MYO10: variants seen among roughly 807,000 people sequenced by gnomAD.
MYO10 encodes the protein unconventional myosin-X.
In MYO10, 133 loss-of-function variants were observed where a neutral mutation model predicts 257.3. That is an observed-to-expected ratio of 0.52 (90% CI 0.45 to 0.60). The LOEUF is 0.60. MYO10 is among the 20% of genes least tolerant of loss of function. The pLI, the probability that MYO10 is intolerant of heterozygous loss-of-function variation, is 0.00. For synonymous variants in MYO10, 1,104 were observed against 1,028.6 expected (o/e 1.07, Z -1.40); for missense variants, 2,399 against 2,635.7 (o/e 0.91, Z 1.97).
chr5:16,757,266 G>C (rs1319656065), intron 18 of MYO10, among the ~76,000 whole-genome samples: 2 of 146,076 alleles, frequency 1.4e-5, no homozygotes, highest in Non-Finnish European at 3.0e-5. Context: ...CTCCAGTCTG[G>C]GTGACAGAAC....
chr5:16,854,141 T>C (rs1743894579), intron 2 of MYO10: 2 of 152,182 alleles, frequency 1.3e-5, no homozygotes, highest in African/African-American at 4.8e-5. Flanking sequence ...ATGTAAGAAT[T>C]ATCTCACTGC....
intron 2 of MYO10, among the ~76,000 whole-genome samples, chr5:16,827,579 G>A (rs370627802): frequency 3.2e-4 from 48 of 152,242 alleles, no homozygotes; most frequent in African/African-American, 1.1e-3. Flanking sequence ...GAGCCACTGC[G>A]CCCAGCCAAT....
intron 3 of MYO10, among the ~76,000 whole-genome samples, chr5:16,802,312 A>G (rs896004592): frequency 6.6e-6 from 1 of 152,146 alleles, no homozygotes; most frequent in African/African-American, 2.4e-5. Context: ...CGGCTGTGAT[A>G]CATTTTGTTC....
chr5:16,870,189 A>T (rs2082520751), intron 2 of MYO10, among the ~76,000 whole-genome samples: 2 of 146,580 alleles, frequency 1.4e-5, no homozygotes, highest in South Asian at 4.3e-4. Flanking sequence ...CTCAGAGAAT[A>T]AAAAGGAAAG....
In MYO10 at chr5:16,865,811, G is replaced by GATAATA. The variant is rs5866211; in HGVS notation, c.120+11792_120+11797dup. Among the ~76,000 whole-genome samples the GATAATA allele has an allele frequency of 3.3e-3, 468 of 142,636 alleles. 3 individuals are homozygous for GATAATA. Among genetic ancestry groups the GATAATA allele is most frequent in the African/African-American group, 8.8e-3 (321 of 36,564 alleles). The allele number at this position is 142,636 out of a possible 152,430, so 93.6% of individuals were successfully genotyped here. ...GGGTGACAGAGTTAGACTCCGTCTC[G>GATAATA]ATAATAATAATAATAATAATAATAG... On this transcript the variant is annotated intron_variant, in intron 2 of 40. Transcript: ENST00000513610.
rs145795543 is a variant in MYO10 at position 16,795,058 on chromosome 5, T to C, written c.280-225A>G. Among the ~76,000 whole-genome samples, 315 of 134,494 alleles carry C rather than the reference T, an allele frequency of 2.3e-3. 2 individuals are homozygous for C. Among genetic ancestry groups the C allele is most frequent in the African/African-American group, 7.6e-3 (298 of 39,352 alleles). 88.2% of individuals were successfully genotyped at this position (134,494 alleles called of 152,430 possible). A position where few individuals can be genotyped will look rare whatever the true frequency, so the allele number is the denominator to read the frequency against. ...AAGGGAAACAAGAGAAGGAAGATGGTGAGGCGGCCCAGGCCCAGTCCCTGC... is the reference window on the plus strand; with the variant it reads ...AAGGGAAACAAGAGAAGGAAGATGGCGAGGCGGCCCAGGCCCAGTCCCTGC... On this transcript the variant is annotated intron_variant, in intron 3 of 40. Coordinates refer to ENST00000513610, the MANE Select transcript of MYO10 (RefSeq NM_012334.3).
At chr5:16,884,598 C>A (rs1392982687) in intron 1 of MYO10, among the ~76,000 whole-genome samples, 1 of 151,472 alleles carries the variant, frequency 6.6e-6, no homozygotes, top group African/African-American at 2.4e-5. Flanking sequence ...TCTTGATGAA[C>A]TGCAGAAACG....
chr5:16,874,190 T>C (rs554313371), intron 2 of MYO10, among the ~76,000 whole-genome samples: 2 of 151,802 alleles, frequency 1.3e-5, no homozygotes, highest in Admixed American at 6.6e-5. Flanking sequence ...AAAAATTAGC[T>C]GGGCATGGTG....
In MYO10 at chr5:16,763,702, C is replaced by A; in HGVS notation, c.1380G>T (p.Glu460Asp). 6.2e-7 allele frequency: 1 copy of A among 1,610,986 alleles called. No individual in the cohort carries two copies. The highest frequency in any genetic ancestry group is 8.5e-7 in the Non-Finnish European group (1 of 1,177,608). ...NINYANEKLQ[E>D]YFNKHIFSLE... ...AAGAAAAAATATGCTTGTTGAAGTA[C>A]TCCTGAAGTTTCTCGTTTGCATAGT... Residue 460 changes from glutamate (E) to aspartate (D), a missense_variant, in exon 13 of 41, where the codon GAG (glutamate) becomes GAT (aspartate). By Grantham distance (45) the Glu-to-Asp change is conservative. This residue lies in a region of MYO10 where 337 missense variants were observed against 446.8 expected (regional missense o/e 0.75). Coordinates refer to ENST00000513610, the MANE Select transcript of MYO10 (RefSeq NM_012334.3).
chr5:16,797,681 T>TG (rs1313594002), intron 3 of MYO10, among the ~76,000 whole-genome samples: 1 of 152,220 alleles, frequency 6.6e-6, no homozygotes, highest in Non-Finnish European at 1.5e-5. Flanking sequence ...GAATGAGCCT[T>TG]GGAGACATAT....
chr5:16,884,657 CT>C (rs34750487), intron 1 of MYO10, among the ~76,000 whole-genome samples: 56,773 of 143,248 alleles, frequency 0.4, 12,008 homozygotes, highest in Admixed American at 0.51. Flanking sequence ...CTGTTTTCGT[CT>C]TTTTTTTTTT....
intron 33 of MYO10, among the ~76,000 whole-genome samples, chr5:16,679,617 G>C (rs1392357007): frequency 1.3e-5 from 2 of 151,092 alleles, no homozygotes; most frequent in Non-Finnish European, 2.9e-5. Flanking sequence ...CTCTGCCTCG[G>C]AGGTTCAAGC....
chr5:16,681,858 G>A lies in MYO10; in HGVS notation c.4189+13C>T, dbSNP rs1737018397. ...TCTGTTAAGCAGACCGAGGAAGCAG[G>A]GCAGGCAGTCACCTCTCACGATGAA... is the stretch of plus-strand genomic sequence containing the variant. On this transcript the variant is annotated intron_variant, in intron 31 of 40. Transcript: ENST00000513610. 1 of 1,613,066 alleles carries A rather than the reference G, an allele frequency of 6.2e-7. No homozygotes were observed. Among genetic ancestry groups the A allele is most frequent in the African/African-American group, 1.3e-5 (1 of 74,906 alleles).
chr5:16,698,127 T>C lies in MYO10; in HGVS notation c.3556+1323A>G, dbSNP rs535331238. Reference sequence around the variant, plus strand: ...GGCTCATGCCTGCAATTCCTGCACTTTGGGAGGCCAAGGTGGGAGGACTGC... The same window carrying C: ...GGCTCATGCCTGCAATTCCTGCACTCTGGGAGGCCAAGGTGGGAGGACTGC... On this transcript the variant is annotated intron_variant, in intron 26 of 40. Coordinates refer to ENST00000513610, the MANE Select transcript of MYO10 (RefSeq NM_012334.3). 7.9e-5 allele frequency among the ~76,000 whole-genome samples: 12 copies of C among 152,238 alleles called. No homozygotes were observed. The East Asian group carries it at 2.3e-3, about 30-fold the overall frequency.
chr5:16,748,118 G>A lies in MYO10; in HGVS notation c.1929+6710C>T, dbSNP rs1344724595. The stretch of plus-strand genomic sequence containing the variant: ...CAGGTCTCACTGTGTTGCACAGGCC[G>A]AAGTGCACTGGTGCGATCTCGGCTC... On this transcript the variant is annotated intron_variant, in intron 19 of 40. Coordinates refer to ENST00000513610, the MANE Select transcript of MYO10 (RefSeq NM_012334.3). Among the ~76,000 whole-genome samples the A allele has an allele frequency of 6.6e-5, 10 of 152,132 alleles. No homozygotes were observed. The East Asian group carries it at 1.2e-3, about 18-fold the overall frequency.
At chr5:16,745,698 AAAAATT>A (rs1166551430) in intron 19 of MYO10, among the ~76,000 whole-genome samples, 9 of 152,158 alleles carry the variant, frequency 5.9e-5, no homozygotes, top group Non-Finnish European at 1.2e-4. Flanking sequence ...TCAAAAATGA[AAAAATT>A]AAAATTAAAA....
intron 1 of MYO10, among the ~76,000 whole-genome samples, chr5:16,890,173 T>C (rs886376495): frequency 1.3e-5 from 2 of 151,846 alleles, no homozygotes; most frequent in African/African-American, 4.9e-5. Flanking sequence ...TTTCACAAAA[T>C]CATACTTCCT....
intron 19 of MYO10, among the ~76,000 whole-genome samples, chr5:16,747,671 C>T (rs552649927): frequency 1.3e-5 from 2 of 152,272 alleles, no homozygotes; most frequent in East Asian, 3.9e-4. Context: ...GTAATCCCAG[C>T]ACTTCGGGAG....
intron 26 of MYO10, among the ~76,000 whole-genome samples, chr5:16,696,090 T>A (rs887803097): frequency 2.0e-4 from 30 of 152,360 alleles, no homozygotes; most frequent in Non-Finnish European, 4.1e-4. Context: ...ATAAAGCTTA[T>A]TCACAGTTGT....
Sources: gnomAD v4.1 joint callset for allele counts (sites outside exome capture counted in the v4.1 genomes callset) on GRCh38, gnomAD v4.1.1 for gene constraint, gnomAD v4.1.1 regional missense constraint, MANE v1.5 for transcripts, NCBI Gene and HGNC (gene_info 2026-07-23, HGNC 2026-07-21) for gene names.